SPAG16: variants seen among roughly 807,000 people sequenced by gnomAD.
SPAG16 encodes sperm associated antigen 16, also known as sperm-associated antigen 16 protein.
In SPAG16, 86 loss-of-function variants were observed where a neutral mutation model predicts 80.4. The observed-to-expected ratio is 1.07, with a 90% CI of 0.90 to 1.28. The LOEUF is 1.28. Among genes scored for constraint, SPAG16 ranks in the 50% most tolerant of loss-of-function variants. The pLI is 0.00. For synonymous variants in SPAG16, 294 were observed against 265.9 expected (o/e 1.11, Z -1.03); for missense variants, 870 against 765.3 (o/e 1.14, Z -1.61).
chr2:213,414,119 A>G (rs143137506), intron 9 of SPAG16, among the ~76,000 whole-genome samples: 5 of 152,300 alleles, frequency 3.3e-5, no homozygotes, highest in African/African-American at 4.8e-5. Context: ...CTCTTTTCCA[A>G]TGTAGACAGT....
intron 3 of SPAG16, among the ~76,000 whole-genome samples, chr2:213,302,805 C>T (rs148564621): frequency 1.4e-4 from 21 of 152,188 alleles, no homozygotes; most frequent in African/African-American, 4.8e-4. Flanking sequence ...GCATGGTGCA[C>T]ATTCAGGAAG....
chr2:214,376,730 C>A (rs1344295381), intron 15 of SPAG16, among the ~76,000 whole-genome samples: 1 of 152,072 alleles, frequency 6.6e-6, no homozygotes, highest in Non-Finnish European at 1.5e-5. Context: ...GTCTGTTTGA[C>A]CTTTTTGAAA....
intron 10 of SPAG16, among the ~76,000 whole-genome samples, chr2:213,490,466 CTTGT>C (rs1206180287): frequency 6.6e-6 from 1 of 152,002 alleles, no homozygotes; most frequent in Non-Finnish European, 1.5e-5. Context: ...GTTCTTTTTA[CTTGT>C]TTGTTATGAG....
Position 213,962,477 on chromosome 2 carries a change from G to A in SPAG16, c.1400+32332G>A, listed in dbSNP as rs555496716. ...TGGGATTACAGGCATGAGCCACCGC[G>A]CCCAGCCAGAACTGGTATCCTTTTA... is the stretch of plus-strand genomic sequence containing the variant. On this transcript the variant is annotated intron_variant, in intron 12 of 15. Transcript: ENST00000331683. Among the ~76,000 whole-genome samples the A allele has an allele frequency of 2.2e-4, 33 of 152,192 alleles. No homozygotes were observed. The East Asian group carries it at 3.5e-3, about 16-fold the overall frequency.
At chr2:213,369,561 A>G (rs1264400793) in intron 8 of SPAG16, among the ~76,000 whole-genome samples, 1 of 148,632 alleles carries the variant, frequency 6.7e-6, no homozygotes. Flanking sequence ...ATTTAAGTAT[A>G]CCTGTGTTTA....
In SPAG16 at chr2:213,916,596, A is replaced by C. The variant is rs184039845; in HGVS notation, c.1215-13364A>C. On this transcript the variant is annotated intron_variant, in intron 11 of 15. Transcript: ENST00000331683. ...CTTTATAAAACCTTCAGATCTTGTG[A>C]GACATTCACTATCTTGAGAACAGCA... 2.4e-3 allele frequency among the ~76,000 whole-genome samples: 361 copies of C among 152,178 alleles called. 2 individuals carry two copies. The highest frequency in any genetic ancestry group is 0.01 in the Middle Eastern group (3 of 294).
chr2:214,369,507 G>A (rs1699684201), intron 15 of SPAG16, among the ~76,000 whole-genome samples: 1 of 152,064 alleles, frequency 6.6e-6, no homozygotes, highest in South Asian at 2.1e-4. Flanking sequence ...TCCACTTAAA[G>A]AGGGTCTGTA....
chr2:214,157,418 A>G (rs1357056794), intron 15 of SPAG16, among the ~76,000 whole-genome samples: 2 of 152,004 alleles, frequency 1.3e-5, no homozygotes, highest in African/African-American at 2.4e-5. Context: ...AAATTTAACT[A>G]TTTTTCTCTT....
At chr2:213,425,495 C>CA (rs1176741036) in intron 9 of SPAG16, among the ~76,000 whole-genome samples, 1 of 151,200 alleles carries the variant, frequency 6.6e-6, no homozygotes, top group Non-Finnish European at 1.5e-5. Flanking sequence ...ACTAAAAATA[C>CA]AAAAAAATTA....
At chr2:214,055,068 A>T (rs902728687) in intron 13 of SPAG16, among the ~76,000 whole-genome samples, 1 of 152,196 alleles carries the variant, frequency 6.6e-6, no homozygotes, top group Non-Finnish European at 1.5e-5. Flanking sequence ...GCAGGCTTTT[A>T]GCAGGATTTT....
At chr2:214,159,418 G>C (rs2056348920) in intron 15 of SPAG16, among the ~76,000 whole-genome samples, 1 of 151,850 alleles carries the variant, frequency 6.6e-6, no homozygotes, top group Non-Finnish European at 1.5e-5. Flanking sequence ...AATAGACTGT[G>C]TATACAAAAT....
chr2:213,469,879 G>A (rs2072978825), intron 9 of SPAG16, among the ~76,000 whole-genome samples: 1 of 152,066 alleles, frequency 6.6e-6, no homozygotes, highest in Non-Finnish European at 1.5e-5. Context: ...AAAGTGTCCA[G>A]GTGGCAATCT....
intron 10 of SPAG16, among the ~76,000 whole-genome samples, chr2:213,630,026 C>T (rs1339447349): frequency 6.6e-6 from 1 of 152,222 alleles, no homozygotes; most frequent in Non-Finnish European, 1.5e-5. Context: ...CATTTGACTT[C>T]TCAATGTTCC....
intron 10 of SPAG16, among the ~76,000 whole-genome samples, chr2:213,623,961 A>G (rs2061871341): frequency 6.7e-6 from 1 of 148,204 alleles, no homozygotes; most frequent in South Asian, 2.2e-4. Flanking sequence ...CAATGTAATA[A>G]ATTAATTAAG....
intron 10 of SPAG16, among the ~76,000 whole-genome samples, chr2:213,836,054 A>T (rs1348122652): frequency 6.6e-6 from 1 of 152,126 alleles, no homozygotes; most frequent in Non-Finnish European, 1.5e-5. Flanking sequence ...CCCAGTGATA[A>T]CATTATCTGT....
chr2:213,986,423 A>G (rs1396684170), intron 12 of SPAG16, among the ~76,000 whole-genome samples: 1 of 152,056 alleles, frequency 6.6e-6, no homozygotes, highest in African/African-American at 2.4e-5. Flanking sequence ...TTTGTTTAAC[A>G]TACATTTAAA....
intron 13 of SPAG16, among the ~76,000 whole-genome samples, chr2:214,029,443 A>G (rs1300369989): frequency 2.6e-5 from 4 of 152,088 alleles, no homozygotes; most frequent in Admixed American, 6.6e-5. Context: ...GCAAAGAGGT[A>G]CATTATCTGC....
Position 213,430,792 on chromosome 2 carries a change from A to G in SPAG16, c.942+55673A>G, listed in dbSNP as rs941192407. Among the ~76,000 whole-genome samples the G allele has an allele frequency of 4.6e-5, 7 of 152,214 alleles. No homozygotes were observed. The South Asian group carries it at 1.4e-3, about 31-fold the overall frequency. Reference sequence around the variant, plus strand: ...TACATATACTCATTGGAATGTCTAAAGTCAACACAAAGGAAAAAAATTCTA... The same window carrying G: ...TACATATACTCATTGGAATGTCTAAGGTCAACACAAAGGAAAAAAATTCTA... On this transcript the variant is annotated intron_variant, in intron 9 of 15. Transcript: ENST00000331683.
intron 10 of SPAG16, among the ~76,000 whole-genome samples, chr2:213,563,435 G>A (rs192834931): frequency 6.6e-6 from 1 of 152,154 alleles, no homozygotes; most frequent in Non-Finnish European, 1.5e-5. Flanking sequence ...TTTTCTCATA[G>A]TTCTGGAGGC....
Sources: gnomAD v4.1 joint callset for allele counts (sites outside exome capture counted in the v4.1 genomes callset) on GRCh38, gnomAD v4.1.1 for gene constraint, MANE v1.5 for transcripts, NCBI Gene and HGNC (gene_info 2026-07-23, HGNC 2026-07-21) for gene names.